The following EPHA6 variants were observed in gnomAD, a reference collection of about 807,000 sequenced individuals.
EPHA6 encodes the protein ephrin type-A receptor 6.
A neutral mutation model predicts 112.0 loss-of-function variants in EPHA6; 50 were observed. The ratio of observed to expected loss-of-function variants is 0.45; its 90% CI spans 0.36 to 0.56. The LOEUF (loss-of-function observed/expected upper bound fraction) is 0.56, where lower values mean the gene tolerates loss of function less well. EPHA6 is among the 20% of genes least tolerant of loss of function. The pLI is 0.00. For synonymous variants in EPHA6, 529 were observed against 490.7 expected, an observed-to-expected ratio of 1.08 and a Z score of -1.03; for missense variants, 1,280 against 1,417.4, an observed-to-expected ratio of 0.90 and a Z score of 1.56.
At chr3:97,426,447 C>T (rs1313507833) in intron 6 of EPHA6, among the ~76,000 whole-genome samples, 1 of 152,118 alleles carries the variant, frequency 6.6e-6, no homozygotes, top group Non-Finnish European at 1.5e-5. Flanking sequence ...TCCACCTGGC[C>T]CTGTCATTGA....
intron 5 of EPHA6, among the ~76,000 whole-genome samples, chr3:97,256,616 T>A (rs2079323573): frequency 1.3e-5 from 2 of 152,074 alleles, no homozygotes; most frequent in Admixed American, 1.3e-4. Context: ...TTAATTTTAA[T>A]ATTCATTTTT....
At chr3:96,868,889 T>C (rs781152560) in intron 2 of EPHA6, among the ~76,000 whole-genome samples, 7 of 152,002 alleles carry the variant, frequency 4.6e-5, no homozygotes, top group African/African-American at 7.2e-5. Flanking sequence ...AGTAATATCA[T>C]GCTGATATAG....
chr3:97,653,919 T>C (rs748528765), intron 14 of EPHA6, among the ~76,000 whole-genome samples: 45 of 152,106 alleles, frequency 3.0e-4, no homozygotes, highest in Non-Finnish European at 4.3e-4. Context: ...TGATCTCATT[T>C]ACATGTAGAA....
intron 2 of EPHA6, among the ~76,000 whole-genome samples, chr3:96,872,171 G>A (rs939884669): frequency 1.3e-5 from 2 of 152,142 alleles, no homozygotes; most frequent in Non-Finnish European, 1.5e-5. Flanking sequence ...AGATGGTCAT[G>A]TTAAGTACCC....
At chr3:97,477,655 G>A (rs993762810) in intron 8 of EPHA6, among the ~76,000 whole-genome samples, 9 of 152,146 alleles carry the variant, frequency 5.9e-5, no homozygotes, top group Non-Finnish European at 1.0e-4. Flanking sequence ...ATTGCTACGT[G>A]TTTAGTAAAC....
At chr3:97,576,410 C>T (rs1012060016) in intron 11 of EPHA6, among the ~76,000 whole-genome samples, 9 of 152,156 alleles carry the variant, frequency 5.9e-5, no homozygotes, top group Non-Finnish European at 1.2e-4. Flanking sequence ...ACCTCCCTTA[C>T]ATCCCACTCA....
At chr3:97,400,974 G>A (rs1479845373) in intron 5 of EPHA6, among the ~76,000 whole-genome samples, 1 of 151,690 alleles carries the variant, frequency 6.6e-6, no homozygotes, top group Non-Finnish European at 1.5e-5. Flanking sequence ...AGTGGTAAAA[G>A]TAAATGTGCT....
At chr3:97,294,490 C>T (rs4857056) in intron 5 of EPHA6, among the ~76,000 whole-genome samples, 11,116 of 152,206 alleles carry the variant, frequency 0.073, 786 homozygotes, top group Admixed American at 0.21. Context: ...CTATATTTTT[C>T]AGTAGAAAAT....
intron 5 of EPHA6, among the ~76,000 whole-genome samples, chr3:97,278,424 T>G (rs2080171422): frequency 6.6e-6 from 1 of 152,214 alleles, no homozygotes; most frequent in South Asian, 2.1e-4. Flanking sequence ...AAAATGTGTT[T>G]TAAAGTTTAT....
At chr3:97,318,669 C>T (rs558749935) in intron 5 of EPHA6, among the ~76,000 whole-genome samples, 1 of 151,912 alleles carries the variant, frequency 6.6e-6, no homozygotes, top group Non-Finnish European at 1.5e-5. Flanking sequence ...TTTCTCACAT[C>T]CTCCTTAATT....
chr3:97,169,468 T>A (rs954120450), intron 3 of EPHA6, among the ~76,000 whole-genome samples: 1 of 152,250 alleles, frequency 6.6e-6, no homozygotes, highest in East Asian at 1.9e-4. Context: ...TCTCCCTTCC[T>A]GATAATCTTC....
rs1479212405 is a variant in EPHA6, at chr3:97,405,162, T to C, written c.1619T>C (p.Ile540Thr). Residue 540 changes from isoleucine to threonine, a missense_variant, in exon 6 of 18, where the codon ATA (isoleucine) becomes ACA (threonine). Around this residue, in one of 4 missense-constraint regions of EPHA6, gnomAD observed 878 missense variants for 999.7 expected, o/e 0.88. Transcript: ENST00000389672. ...TCTTTCCTTTCAGCACCTTCCCTGA[T>C]AGGTGTGGTAAGGAAGGACTGGGCA... ...VTTDQDAPSLIGVVRKDWASQ... is the reference protein window; with the variant it reads ...VTTDQDAPSLTGVVRKDWASQ... The C allele has an allele frequency of 5.0e-6, 8 of 1,598,788 alleles. No homozygotes were observed. In the East Asian group the frequency reaches 1.3e-4, roughly 27 times the overall value.
chr3:97,577,007 T>C (rs912732263), intron 11 of EPHA6, among the ~76,000 whole-genome samples: 4 of 152,148 alleles, frequency 2.6e-5, no homozygotes, highest in African/African-American at 9.7e-5. Context: ...GGGGACTCTT[T>C]TGTTTTTCTT....
chr3:97,050,287 G>T (rs555012214), intron 3 of EPHA6, among the ~76,000 whole-genome samples: 1 of 152,134 alleles, frequency 6.6e-6, no homozygotes, highest in Non-Finnish European at 1.5e-5. Flanking sequence ...TGCCCAAGAA[G>T]CCTTGACTAG....
intron 3 of EPHA6, among the ~76,000 whole-genome samples, chr3:97,114,117 T>C (rs2047810592): frequency 6.6e-6 from 1 of 152,108 alleles, no homozygotes; most frequent in Non-Finnish European, 1.5e-5. Flanking sequence ...TTAGCAGAAG[T>C]AGTGGTATCA....
intron 5 of EPHA6, among the ~76,000 whole-genome samples, chr3:97,364,884 T>A (rs1372138813): frequency 6.6e-6 from 1 of 152,134 alleles, no homozygotes; most frequent in Non-Finnish European, 1.5e-5. Context: ...CTAGGCCTTT[T>A]AAAACTATTG....
intron 13 of EPHA6, 96 bp downstream of exon 13, chr3:97,610,950 TG>T (rs2093714885): frequency 1.9e-6 from 2 of 1,027,134 alleles, no homozygotes; most frequent in African/African-American, 3.3e-5. Context: ...ATGTTATTCA[TG>T]GATTTTCTGT....
chr3:97,324,557 C>CTTTA (rs1559884298), intron 5 of EPHA6, among the ~76,000 whole-genome samples: 5 of 149,528 alleles, frequency 3.3e-5, no homozygotes, highest in South Asian at 2.1e-4. Context: ...TTCTTTCTTT[C>CTTTA]GATGGAGCTT....
At chr3:97,315,844 ATCT>A (rs900351271) in intron 5 of EPHA6, among the ~76,000 whole-genome samples, 2 of 151,814 alleles carry the variant, frequency 1.3e-5, no homozygotes, top group African/African-American at 2.4e-5. Context: ...TTTAACTCAG[ATCT>A]TCTTATTTCA....
Sources: allele counts gnomAD v4.1 joint callset (sites outside exome capture counted in the v4.1 genomes callset), GRCh38; gene constraint gnomAD v4.1.1; regional missense constraint gnomAD v4.1.1; transcripts MANE v1.5; gene names NCBI Gene and HGNC (gene_info 2026-07-23, HGNC 2026-07-21).